Variants in ZNF708 observed in about 807,000 individuals in gnomAD.
ZNF708 encodes the protein zinc finger protein 708.
ZNF708 carries 44 observed loss-of-function variants against 47.0 expected under a neutral mutation model. That is an observed-to-expected ratio of 0.94 (90% CI 0.74 to 1.20). The LOEUF (loss-of-function observed/expected upper bound fraction) is 1.20, where lower values mean the gene tolerates loss of function less well. Ranked by LOEUF, ZNF708 falls within the 50% of genes most tolerant of loss-of-function variation. The pLI, the probability that ZNF708 is intolerant of heterozygous loss-of-function variation, is 0.00. For missense variants in ZNF708, 557 were observed against 656.0 expected (o/e 0.85, Z 1.65); for synonymous variants, 184 against 218.5 (o/e 0.84, Z 1.39).
intron 3 of ZNF708, among the ~76,000 whole-genome samples, chr19:21,302,771 C>T (rs1972686174): frequency 6.6e-6 from 1 of 151,106 alleles, no homozygotes; most frequent in South Asian, 2.1e-4. Context: ...AAGACAATTA[C>T]AAAGATAATA....
At position 21,293,534 on chromosome 19, in the gene ZNF708, AC is replaced by A; in HGVS notation, c.1431del (p.Lys477AsnfsTer20). The A allele has an allele frequency of 1.9e-6, 3 of 1,613,016 alleles. No individual in the cohort carries two copies. The highest frequency in any genetic ancestry group is 2.5e-6 in the Non-Finnish European group (3 of 1,179,708). On this transcript the variant is annotated frameshift_variant, in exon 4 of 4. Coordinates refer to ENST00000356929, the MANE Select transcript of ZNF708 (RefSeq NM_021269.3). LOFTEE classifies it high-confidence loss of function. ...KKIHTGEKPY[K>X]CEECGKSFIL... is the part of the protein sequence containing the mutation. ...ATAAAGCTTTTGCCACATTCTTCAC[AC>A]TTATAGGGTTTCTCTCCAGTATGAA...
At position 21,293,229 on chromosome 19, in the gene ZNF708, T is replaced by A; in HGVS notation, c.*45A>T. The A allele has an allele frequency of 6.4e-7, 1 of 1,569,490 alleles. No individual in the cohort carries two copies. Among genetic ancestry groups the A allele is most frequent in the Non-Finnish European group, 8.7e-7 (1 of 1,154,734 alleles). On this transcript the variant is annotated 3_prime_UTR_variant, in exon 4 of 4. Transcript: ENST00000356929. ...GGATTTCTCTCCAGTATGAATTATC[T>A]TGTGTTTTAATAAAAGTTGAAAATA...
chr19:21,299,772 CAAAA>C (rs11311903), intron 3 of ZNF708, among the ~76,000 whole-genome samples: 1 of 110,268 alleles, frequency 9.1e-6, no homozygotes, highest in African/African-American at 3.7e-5. Flanking sequence ...GACTCCATCT[CAAAA>C]AAAAAAAAAA....
At chr19:21,316,268 G>A (rs889564160) in intron 1 of ZNF708, among the ~76,000 whole-genome samples, 5 of 151,030 alleles carry the variant, frequency 3.3e-5, no homozygotes, top group African/African-American at 1.2e-4. Flanking sequence ...GGGATTACAG[G>A]CATGCGCCAC....
chr19:21,293,002 G>T lies in ZNF708; in HGVS notation c.*272C>A. The T allele has an allele frequency of 2.9e-6, 1 of 349,000 alleles. No individual in the cohort carries two copies. The highest frequency in any genetic ancestry group is 5.3e-6 in the Non-Finnish European group (1 of 189,550). 21.6% of individuals were successfully genotyped at this position (349,000 alleles called of 1,614,324 possible). A position where few individuals can be genotyped will look rare whatever the true frequency, so the allele number is the denominator to read the frequency against. On this transcript the variant is annotated 3_prime_UTR_variant, in exon 4 of 4. Transcript: ENST00000356929. ...TTTTATGTTTAGAAAAGTTTGAGGT[G>T]TTGTCAGAATTACTGTGATGTCTTC...
intron 1 of ZNF708, among the ~76,000 whole-genome samples, chr19:21,322,671 C>T (rs1973177004): frequency 6.6e-6 from 1 of 152,172 alleles, no homozygotes; most frequent in African/African-American, 2.4e-5. Flanking sequence ...GGACAATGGG[C>T]AGTGTGACAG....
At chr19:21,305,978 T>C (rs1042402296) in intron 3 of ZNF708, among the ~76,000 whole-genome samples, 9 of 152,118 alleles carry the variant, frequency 5.9e-5, no homozygotes, top group African/African-American at 2.2e-4. Context: ...GAGCATACAA[T>C]AAAGAAAAGA....
intron 2 of ZNF708, 131 bp downstream of exon 2, chr19:21,310,370 T>C: frequency 3.5e-6 from 1 of 285,944 alleles, no homozygotes; most frequent in Middle Eastern, 1.5e-3. Flanking sequence ...TCTTGAACCC[T>C]GGAGGCAAAG....
intron 3 of ZNF708, among the ~76,000 whole-genome samples, chr19:21,295,196 A>G (rs535895581): frequency 3.9e-5 from 6 of 152,230 alleles, no homozygotes; most frequent in Non-Finnish European, 7.3e-5. Flanking sequence ...ATGGTGGTAT[A>G]CTTTGGAATG....
rs1972850932 is a variant in ZNF708, at chr19:21,309,335, G to A, written c.137C>T (p.Ala46Val). Residue 46 changes from alanine to valine, a missense_variant, in exon 3 of 4, where the codon GCT becomes GTT. By Grantham distance (64) the Ala-to-Val change is moderately conservative. Coordinates refer to ENST00000356929, the MANE Select transcript of ZNF708 (RefSeq NM_021269.3). ...NYRNLVFLGIAVSNLDLITCL... is the reference protein window; with the variant it reads ...NYRNLVFLGIVVSNLDLITCL... ...GGTGATCAGGTCTAAATTAGACACA[G>A]CAATACCTGTTTTATTAAAAATAAA... 1 of 1,583,832 alleles carries A rather than the reference G, an allele frequency of 6.3e-7. No homozygotes were observed. Among genetic ancestry groups the A allele is most frequent in the Admixed American group, 1.9e-5 (1 of 53,678 alleles).
intron 1 of ZNF708, among the ~76,000 whole-genome samples, chr19:21,326,046 CA>C (rs1472168867): frequency 6.6e-6 from 1 of 152,060 alleles, no homozygotes; most frequent in Non-Finnish European, 1.5e-5. Flanking sequence ...TGGCCATGAT[CA>C]AAAAATCAAG....
At chr19:21,307,190 T>G (rs552650697) in intron 3 of ZNF708, among the ~76,000 whole-genome samples, 1 of 144,408 alleles carries the variant, frequency 6.9e-6, no homozygotes, top group Admixed American at 6.8e-5. Context: ...TACAATAAAA[T>G]ACAATAGGAA....
chr19:21,297,902 G>C (rs1568345901), intron 3 of ZNF708, among the ~76,000 whole-genome samples: 1 of 151,752 alleles, frequency 6.6e-6, no homozygotes, highest in Non-Finnish European at 1.5e-5. Flanking sequence ...TGAAAACTCT[G>C]AAAAGAGAAA....
At chr19:21,311,683 G>A (rs896560825) in intron 1 of ZNF708, among the ~76,000 whole-genome samples, 3 of 152,110 alleles carry the variant, frequency 2.0e-5, no homozygotes, top group African/African-American at 7.2e-5. Context: ...GCAAAAAGAT[G>A]AAGACTTGCA....
At position 21,293,564 on chromosome 19, in the gene ZNF708, T is replaced by G. The variant is rs755525121; in HGVS notation, c.1402A>C (p.Lys468Gln). Reference protein sequence around the residue: ...NYSSNFTNHKKIHTGEKPYKC... With the variant: ...NYSSNFTNHKQIHTGEKPYKC... ...TAGGGTTTCTCTCCAGTATGAATTT[T>G]TTTATGATTAGTAAAATTTGAGGAG... is the stretch of plus-strand genomic sequence containing the variant. The change falls in exon 4 of 4, where the codon AAA becomes CAA. Residue 468 changes from lysine (K) to glutamine (Q), a missense_variant. Lys to Gln is a moderately conservative substitution (Grantham distance 53, BLOSUM62 1). Coordinates refer to ENST00000356929, the MANE Select transcript of ZNF708 (RefSeq NM_021269.3). 1.2e-6 allele frequency: 2 copies of G among 1,612,910 alleles called. No individual in the cohort carries two copies. Among genetic ancestry groups the G allele is most frequent in the South Asian group, 2.2e-5 (2 of 90,964 alleles).
chr19:21,314,696 G>T (rs1972968668), intron 1 of ZNF708, among the ~76,000 whole-genome samples: 1 of 152,074 alleles, frequency 6.6e-6, no homozygotes, highest in African/African-American at 2.4e-5. Context: ...TCTCCTCCTT[G>T]TTTTTACCCA....
At chr19:21,328,015 C>G in intron 1 of ZNF708, 3 of 994,040 alleles carry the variant, frequency 3.0e-6, no homozygotes, top group Non-Finnish European at 3.6e-6. Flanking sequence ...ACTAGACACT[C>G]TAGCAGAAAA....
rs1360858034 is a variant in ZNF708, at chr19:21,292,979, TTA to T, written c.*293_*294del. Reference sequence around the variant, plus strand: ...AAGTTCCTCACCAGTATGATTTATTTTATGTTTAGAAAAGTTTGAGGTGTTGT... The same window carrying T: ...AAGTTCCTCACCAGTATGATTTATTTTGTTTAGAAAAGTTTGAGGTGTTGT... On this transcript the variant is annotated 3_prime_UTR_variant, in exon 4 of 4. Coordinates refer to ENST00000356929, the MANE Select transcript of ZNF708 (RefSeq NM_021269.3). 3.6e-6 allele frequency: 1 copy of T among 278,618 alleles called. No individual in the cohort carries two copies. Among genetic ancestry groups the T allele is most frequent in the South Asian group, 6.2e-5 (1 of 16,042 alleles). 17.3% of individuals were successfully genotyped at this position (278,618 alleles called of 1,614,324 possible). A position where few individuals can be genotyped will look rare whatever the true frequency, so the allele number is the denominator to read the frequency against.
In ZNF708 at chr19:21,291,510, C is replaced by A; in HGVS notation, c.*1764G>T. The stretch of plus-strand genomic sequence containing the variant: ...GAAATGAAGAAATAGCATCAAGTAA[C>A]TAGAGAGTTGAATCACAGCAATATT... On this transcript the variant is annotated 3_prime_UTR_variant, in exon 4 of 4. Coordinates refer to ENST00000356929, the MANE Select transcript of ZNF708 (RefSeq NM_021269.3). 1 of 152,132 alleles carries A rather than the reference C, an allele frequency of 6.6e-6. No individual in the cohort carries two copies. The highest frequency in any genetic ancestry group is 1.9e-4 in the East Asian group (1 of 5,198). The allele number at this position is 152,132 out of a possible 1,614,324, so 9.4% of individuals were successfully genotyped here.
Sources: allele counts gnomAD v4.1 joint callset (sites outside exome capture counted in the v4.1 genomes callset), GRCh38; gene constraint gnomAD v4.1.1; transcripts MANE v1.5; gene names NCBI Gene and HGNC (gene_info 2026-07-23, HGNC 2026-07-21).